LTB: variants seen among roughly 807,000 people sequenced by gnomAD.
The protein encoded by LTB is lymphotoxin-beta.
In LTB, 17 loss-of-function variants were observed where a neutral mutation model predicts 14.7. The ratio of observed to expected loss-of-function variants is 1.16; its 90% CI spans 0.79 to 1.73. The LOEUF is 1.73. Among genes scored for constraint, LTB ranks in the 40% most tolerant of loss-of-function variants. LTB has a pLI of 0.00. For synonymous variants in LTB, 163 were observed against 157.3 expected, an observed-to-expected ratio of 1.04 and a Z score of -0.27; for missense variants, 288 against 324.3, an observed-to-expected ratio of 0.89 and a Z score of 0.86.
rs1488408739 is a variant in LTB at position 31,581,820 on chromosome 6, C to G, written c.202G>C (p.Gly68Arg). ...TADPGAQAQQGLGFQKLPEEE... is the reference protein window; with the variant it reads ...TADPGAQAQQRLGFQKLPEEE... ...AGAGACAGTCTGCTCTTACCCAGTC[C>G]TTGCTGGGCCTGTGCCCCGGGGTCG... Residue 68 changes from glycine (G) to arginine (R), a missense_variant, in exon 2 of 4, where the codon GGA becomes CGA. Coordinates refer to ENST00000429299, the MANE Select transcript of LTB (RefSeq NM_002341.2). 2 of 1,607,806 alleles carry G rather than the reference C, an allele frequency of 1.2e-6. No individual in the cohort carries two copies. Among genetic ancestry groups the G allele is most frequent in the Admixed American group, 1.7e-5 (1 of 58,844 alleles).
In LTB at chr6:31,581,103, G is replaced by C. The variant is rs370654316; in HGVS notation, c.341C>G (p.Thr114Arg). 1 of 1,604,942 alleles carries C rather than the reference G, an allele frequency of 6.2e-7. No individual in the cohort carries two copies. Among genetic ancestry groups the C allele is most frequent in the Non-Finnish European group, 8.5e-7 (1 of 1,176,542 alleles). The change falls in exon 4 of 4, where the codon ACG becomes AGG. Residue 114 changes from threonine (T) to arginine (R), a missense_variant. Physicochemically the swap from Thr to Arg is moderately conservative, Grantham distance 71. Coordinates refer to ENST00000429299, the MANE Select transcript of LTB (RefSeq NM_002341.2). ...GGCGTCCGAGAACTGCGTCCCGCTC[G>C]TCAGAAACGCCTGTTCCTTCGTCGT... ...WETTKEQAFL[T>R]SGTQFSDAEG...
intron 1 of LTB, 96 bp from the exon 2 acceptor site, chr6:31,581,955 T>A: frequency 1.6e-6 from 2 of 1,270,262 alleles, no homozygotes; most frequent in Admixed American, 2.3e-5. Context: ...CTGGGGTTTC[T>A]CCTACCAGCA....
At position 31,581,852 on chromosome 6, in the gene LTB, T is replaced by A. The variant is rs779722936; in HGVS notation, c.170A>T (p.Glu57Val). ...GGCCTGTGCCCCGGGGTCGGCCGTC[T>A]CCGTTACCTGGTTGGGTGGGGTCAC... is the stretch of plus-strand genomic sequence containing the variant. ...VPQDQGGLVT[E>V]TADPGAQAQQ... is the part of the protein sequence containing the mutation. Residue 57 changes from glutamate to valine, a missense_variant, in exon 2 of 4, where the codon GAG (glutamate) becomes GTG (valine). By Grantham distance (121) the Glu-to-Val change is moderately radical (BLOSUM62 -2). This residue lies in a region of LTB where 284 missense variants were observed against 299.2 expected (regional missense o/e 0.95). Coordinates refer to ENST00000429299, the MANE Select transcript of LTB (RefSeq NM_002341.2). The A allele has an allele frequency of 6.3e-7, 1 of 1,594,200 alleles. No individual in the cohort carries two copies. Among genetic ancestry groups the A allele is most frequent in the South Asian group, 1.1e-5 (1 of 88,090 alleles).
Position 31,580,956 on chromosome 6 carries a change from A to G in LTB, c.488T>C (p.Leu163Pro). 1 of 1,570,418 alleles carries G rather than the reference A, an allele frequency of 6.4e-7. No individual in the cohort carries two copies. Among genetic ancestry groups the G allele is most frequent in the African/African-American group, 1.4e-5 (1 of 73,792 alleles). Residue 163 changes from leucine (L) to proline (P), a missense_variant, in exon 4 of 4, where the codon CTG becomes CCG. Leu to Pro is a moderately conservative substitution (Grantham distance 98). Coordinates refer to ENST00000429299, the MANE Select transcript of LTB (RefSeq NM_002341.2). The surrounding 1 kb of genome is among the most constrained non-coding windows in gnomAD (Gnocchi z 6.6). ...QGRSVTLRSS[L>P]YRAGGAYGPG... ...CCCGTAGGCGCCCCCCGCCCGGTAC[A>G]GAGAGCTGCGCAGCGTGACCGAGCG...
rs775344697 is a variant in LTB at position 31,581,824 on chromosome 6, C to G, written c.198G>C (p.Gln66His). 4 of 1,607,528 alleles carry G rather than the reference C, an allele frequency of 2.5e-6. No homozygotes were observed. Among genetic ancestry groups the G allele is most frequent in the Admixed American group, 1.7e-5 (1 of 58,874 alleles). Residue 66 changes from glutamine (Q) to histidine (H), a missense_variant, in exon 2 of 4, where the codon CAG (glutamine) becomes CAC (histidine). Transcript: ENST00000429299. ...TETADPGAQA[Q>H]QGLGFQKLPE... ...ACAGTCTGCTCTTACCCAGTCCTTGCTGGGCCTGTGCCCCGGGGTCGGCCG... is the reference window on the plus strand; with the variant it reads ...ACAGTCTGCTCTTACCCAGTCCTTGGTGGGCCTGTGCCCCGGGGTCGGCCG...
In LTB at chr6:31,582,324, A is replaced by T. The variant is rs2150396253; in HGVS notation, c.94T>A (p.Leu32Met). ...AVAGATSLVTLLLAVPITVLA... is the reference protein window; with the variant it reads ...AVAGATSLVTMLLAVPITVLA... ...ACAGTGATAGGCACCGCCAGCAACA[A>T]GGTCACCAGAGAAGTGGCTCCTGCC... Residue 32 changes from leucine (L) to methionine (M), a missense_variant, in exon 1 of 4, where the codon TTG becomes ATG. Leu to Met is a conservative substitution (Grantham distance 15). Coordinates refer to ENST00000429299, the MANE Select transcript of LTB (RefSeq NM_002341.2). The T allele has an allele frequency of 6.2e-7, 1 of 1,613,052 alleles. No homozygotes were observed. The highest frequency in any genetic ancestry group is 1.1e-5 in the South Asian group (1 of 91,088).
Position 31,580,919 on chromosome 6 carries a change from G to T in LTB, c.525C>A (p.Pro175=), listed in dbSNP as rs1257233193. The part of the protein sequence containing the change: ...RAGGAYGPGT[P]ELLLEGAETV... ...TCTCGGCGCCCTCGAGCAGCAGCTC[G>T]GGAGTGCCCGGCCCGTAGGCGCCCC... Residue 175 remains proline (P), a synonymous_variant, in exon 4 of 4, where the codon CCC becomes CCA. Coordinates refer to ENST00000429299, the MANE Select transcript of LTB (RefSeq NM_002341.2). The surrounding 1 kb of genome is among the most constrained non-coding windows in gnomAD (Gnocchi z 6.6). 2.5e-6 allele frequency: 4 copies of T among 1,586,662 alleles called. No homozygotes were observed. Among genetic ancestry groups the T allele is most frequent in the African/African-American group, 1.3e-5 (1 of 74,256 alleles).
intron 1 of LTB, 182 bp downstream of exon 1, chr6:31,582,074 G>T: frequency 3.7e-6 from 3 of 811,476 alleles, no homozygotes; most frequent in Non-Finnish European, 5.9e-6. Flanking sequence ...AGGGGCTTAT[G>T]TCGGGACACA....
chr6:31,582,014 G>A (rs564851224), intron 1 of LTB, 155 bp from the exon 2 acceptor site: 5 of 837,166 alleles, frequency 6.0e-6, no homozygotes, highest in African/African-American at 3.4e-5. Flanking sequence ...CAAGGCATAG[G>A]TACTTGGGCG....
At chr6:31,582,044 G>C (rs1400336837) in intron 1 of LTB, 185 bp from the exon 2 acceptor site, 2 of 765,210 alleles carry the variant, frequency 2.6e-6, no homozygotes, top group South Asian at 1.8e-5. Flanking sequence ...ATGTACCTCG[G>C]GAAGAGGAGA....
chr6:31,582,229 C>A, intron 1 of LTB, 27 bp downstream of exon 1: 1 of 1,611,096 alleles, frequency 6.2e-7, no homozygotes, highest in South Asian at 1.1e-5. Flanking sequence ...ATACAACTCT[C>A]CACCAGGGCC....
rs4647186 is a variant in LTB, at chr6:31,581,587, G to C, written c.252C>G (p.Ser84Arg). The C allele has an allele frequency of 4.2e-5, 68 of 1,612,832 alleles. No homozygotes were observed. Among genetic ancestry groups the C allele is most frequent in the Non-Finnish European group, 5.8e-5 (68 of 1,180,006 alleles). ...LPEEEPETDL[S>R]PGLPAAHLIG... ...TGAGGTGGGCAGCTGGGAGCCCGGG[G>C]CTGAGATCTGTTTCTGGCTCCTCCT... Residue 84 changes from serine to arginine, a missense_variant, in exon 3 of 4, where the codon AGC (serine) becomes AGG (arginine). Coordinates refer to ENST00000429299, the MANE Select transcript of LTB (RefSeq NM_002341.2).
At position 31,581,593 on chromosome 6, in the gene LTB, A is replaced by C. The variant is rs749006755; in HGVS notation, c.246T>G (p.Asp82Glu). The change falls in exon 3 of 4, where the codon GAT becomes GAG. Residue 82 changes from aspartate (D) to glutamate (E), a missense_variant. This residue lies in a region of LTB where 284 missense variants were observed against 299.2 expected (regional missense o/e 0.95). Transcript: ENST00000429299. ...QKLPEEEPET[D>E]LSPGLPAAHL... ...GGGCAGCTGGGAGCCCGGGGCTGAG[A>C]TCTGTTTCTGGCTCCTCCTCTGGCA... is the stretch of plus-strand genomic sequence containing the variant. 3 of 1,612,602 alleles carry C rather than the reference A, an allele frequency of 1.9e-6. No homozygotes were observed. In the South Asian group the frequency reaches 3.3e-5, roughly 18 times the overall value.
chr6:31,582,063 A>G, intron 1 of LTB, 193 bp downstream of exon 1: 1 of 776,942 alleles, frequency 1.3e-6, no homozygotes, highest in South Asian at 1.7e-5. Context: ...GAGGAGACAC[A>G]AGGGGCTTAT....
chr6:31,581,288 T>G (rs2150393949), intron 3 of LTB, 125 bp from the exon 4 acceptor site: 1 of 902,534 alleles, frequency 1.1e-6, no homozygotes, highest in Middle Eastern at 3.4e-4. Flanking sequence ...GATGGTGCTG[T>G]TTCTGGGATG....
At chr6:31,581,383 G>A (rs1408114112) in intron 3 of LTB, among the ~76,000 whole-genome samples, 176 bp downstream of exon 3, 1 of 152,196 alleles carries the variant, frequency 6.6e-6, no homozygotes, top group African/African-American at 2.4e-5. Context: ...TGCTTGCACC[G>A]GAGGGAAGAA....
Position 31,581,804 on chromosome 6 carries a change from C to T in LTB, c.208+10G>A, listed in dbSNP as rs765133451. ...TCTGAAGCGGGGAAGGAGAGACAGT[C>T]TGCTCTTACCCAGTCCTTGCTGGGC... On this transcript the variant is annotated intron_variant, in intron 2 of 3. Transcript: ENST00000429299. 3 of 1,611,998 alleles carry T rather than the reference C, an allele frequency of 1.9e-6. No individual in the cohort carries two copies. The highest frequency in any genetic ancestry group is 2.5e-6 in the Non-Finnish European group (3 of 1,179,574).
chr6:31,580,577 C>A lies in LTB; in HGVS notation c.*132G>T. On this transcript the variant is annotated 3_prime_UTR_variant, in exon 4 of 4. Coordinates refer to ENST00000429299, the MANE Select transcript of LTB (RefSeq NM_002341.2). The surrounding 1 kb of genome is among the most constrained non-coding windows in gnomAD (Gnocchi z 6.6). ...AGCATCTTTATCGGCAGCACTGAAG[C>A]TTTCCATTCTTTATTTTCATCAGGT... 1 of 885,916 alleles carries A rather than the reference C, an allele frequency of 1.1e-6. No homozygotes were observed. The highest frequency in any genetic ancestry group is 1.7e-6 in the Non-Finnish European group (1 of 575,674). 54.9% of individuals were successfully genotyped at this position (885,916 alleles called of 1,614,324 possible).
chr6:31,580,893 G>A lies in LTB; in HGVS notation c.551C>T (p.Thr184Met). 6.2e-7 allele frequency: 1 copy of A among 1,600,380 alleles called. No homozygotes were observed. The highest frequency in any genetic ancestry group is 8.5e-7 in the Non-Finnish European group (1 of 1,174,442). ...TPELLLEGAE[T>M]VTPVLDPARR... is the part of the protein sequence containing the mutation. ...GGCCGGGTCCAGCACTGGAGTCACCGTCTCGGCGCCCTCGAGCAGCAGCTC... is the reference window on the plus strand; with the variant it reads ...GGCCGGGTCCAGCACTGGAGTCACCATCTCGGCGCCCTCGAGCAGCAGCTC... Residue 184 changes from threonine (T) to methionine (M), a missense_variant, in exon 4 of 4, where the codon ACG becomes ATG. Around this residue, in one of 2 missense-constraint regions of LTB, gnomAD observed 284 missense variants for 299.2 expected, o/e 0.95. Transcript: ENST00000429299. This position sits in a 1 kb window ranked among gnomAD's most constrained non-coding sequence, Gnocchi z 6.6.
Sources: allele counts gnomAD v4.1 joint callset (sites outside exome capture counted in the v4.1 genomes callset), GRCh38; gene constraint gnomAD v4.1.1; regional missense constraint gnomAD v4.1.1; non-coding constraint Gnocchi (gnomAD v3.1); transcripts MANE v1.5; gene names NCBI Gene and HGNC (gene_info 2026-07-23, HGNC 2026-07-21).